The following VPS51 variants were observed in gnomAD, a reference collection of about 807,000 sequenced individuals.
VPS51 encodes the protein vacuolar protein sorting-associated protein 51 homolog.
In VPS51, 55 loss-of-function variants were observed where a neutral mutation model predicts 65.1. That is an observed-to-expected ratio of 0.84 (90% CI 0.68 to 1.06). The LOEUF is 1.06. Among genes scored for constraint, VPS51 ranks in the 50% least tolerant of loss-of-function variants. VPS51 has a pLI of 0.00. For missense variants in VPS51, 943 were observed against 1,101.6 expected (o/e 0.86, Z 2.04); for synonymous variants, 473 against 489.5 (o/e 0.97, Z 0.44).
At chr11:65,109,620 A>G (rs1213127787) in intron 6 of VPS51, 85 bp from the exon 7 acceptor site, 2 of 1,513,282 alleles carry the variant, frequency 1.3e-6, no homozygotes, top group African/African-American at 1.4e-5. Flanking sequence ...ACCTTGCCCA[A>G]TCTGTGCCCA....
chr11:65,096,518 G>GGGGGGGGGGGGGGGGGGGGC, intron 1 of VPS51, 40 bp downstream of exon 1: 1 of 499,404 alleles, frequency 2.0e-6, no homozygotes. Flanking sequence ...GGGGAGGGGG[G>GGGGGGGGGGGGGGGGGGGGC]AAGGGAACCA....
chr11:65,100,058 G>A (rs1054369205), intron 2 of VPS51, among the ~76,000 whole-genome samples: 1 of 151,934 alleles, frequency 6.6e-6, no homozygotes, highest in African/African-American at 2.4e-5. Flanking sequence ...AGTCGAGATC[G>A]CGCCACTGCA....
At chr11:65,109,996 G>A in intron 7 of VPS51, 73 bp downstream of exon 7, 2 of 1,447,936 alleles carry the variant, frequency 1.4e-6, no homozygotes, top group Non-Finnish European at 9.3e-7. Context: ...GGCTGGGGCA[G>A]CAGAGGATCA....
chr11:65,098,652 A>C (rs1407454251), intron 2 of VPS51, among the ~76,000 whole-genome samples: 1 of 152,148 alleles, frequency 6.6e-6, no homozygotes, highest in African/African-American at 2.4e-5. Context: ...TTGTTCTTTT[A>C]TCTGATTTGA....
chr11:65,101,798 T>TAAAAAAAAAAA (rs1947810576), intron 2 of VPS51, among the ~76,000 whole-genome samples: 1 of 122,430 alleles, frequency 8.2e-6, no homozygotes. Flanking sequence ...AAAAGAAAAT[T>TAAAAAAAAAAA]AACAGACATA....
intron 6 of VPS51, 88 bp downstream of exon 6, chr11:65,109,583 C>A: frequency 6.5e-7 from 1 of 1,541,988 alleles, no homozygotes; most frequent in South Asian, 1.2e-5. Flanking sequence ...GACCCCAGAC[C>A]AGCTGCCTGT....
chr11:65,110,588 C>G lies in VPS51; in HGVS notation c.1985C>G (p.Pro662Arg). 1 of 1,614,036 alleles carries G rather than the reference C, an allele frequency of 6.2e-7. No individual in the cohort carries two copies. The highest frequency in any genetic ancestry group is 8.5e-7 in the Non-Finnish European group (1 of 1,180,028). Residue 662 changes from proline to arginine, a missense_variant, in exon 8 of 10, where the codon CCC (proline) becomes CGC (arginine). Pro to Arg is a moderately radical substitution (Grantham distance 103, BLOSUM62 -2). This residue lies in a region of VPS51 where 855 missense variants were observed against 953.7 expected (regional missense o/e 0.90). Transcript: ENST00000279281. ...SSSRQQGRYAPSYTPSAPMDT... is the reference protein window; with the variant it reads ...SSSRQQGRYARSYTPSAPMDT... ...TCTCGGCAGCAGGGCCGCTACGCCCCCAGCTATACCCCCAGGTCTGGCTGG... is the reference window on the plus strand; with the variant it reads ...TCTCGGCAGCAGGGCCGCTACGCCCGCAGCTATACCCCCAGGTCTGGCTGG...
Position 65,107,642 on chromosome 11 carries a change from C to T in VPS51, c.420C>T (p.Ala140=), listed in dbSNP as rs144604807. 83 of 1,605,306 alleles carry T rather than the reference C, an allele frequency of 5.2e-5. No individual in the cohort carries two copies. In the Admixed American group the frequency reaches 5.2e-4, roughly 10 times the overall value. ...TGGAGGATGAGATGGACCGGCTGGC[C>T]ACCAACATGGCAGTGATCACCGACT... ...RKMEDEMDRL[A]TNMAVITDFS... is the part of the protein sequence containing the mutation. Residue 140 remains alanine (A), a synonymous_variant, in exon 3 of 10, where the codon GCC becomes GCT. Coordinates refer to ENST00000279281, the MANE Select transcript of VPS51 (RefSeq NM_013265.4). This position sits in a 1 kb window ranked among gnomAD's most constrained non-coding sequence, Gnocchi z 4.0.
intron 2 of VPS51, among the ~76,000 whole-genome samples, chr11:65,103,905 T>G (rs992979667): frequency 2.0e-5 from 3 of 151,940 alleles, no homozygotes; most frequent in Non-Finnish European, 2.9e-5. Flanking sequence ...TTTTTTTGTT[T>G]TTTTTTTTTA....
rs1217558678 is a variant in VPS51, at chr11:65,097,134, C to G, written c.358+7C>G. 3.7e-6 allele frequency: 6 copies of G among 1,613,710 alleles called. No individual in the cohort carries two copies. The South Asian group carries it at 6.6e-5, about 18-fold the overall frequency. ...AAGTTCATCTCAGCCACAGGTGATC[C>G]CCACGGGGACACACCCTCCAAAGTC... On this transcript the variant is annotated splice_region_variant and intron_variant, in intron 2 of 9. Transcript: ENST00000279281.
At chr11:65,108,145 C>A in intron 4 of VPS51, 52 bp from the exon 5 acceptor site, 1 of 1,577,282 alleles carries the variant, frequency 6.3e-7, no homozygotes, top group Non-Finnish European at 8.6e-7. Context: ...CTGCTCCTGC[C>A]CCATCCACCG....
At chr11:65,111,090 C>A in intron 9 of VPS51, 2 of 747,448 alleles carry the variant, frequency 2.7e-6, no homozygotes, top group Admixed American at 2.0e-5. Context: ...CACCCATGGT[C>A]CCTGCCCCGC....
At chr11:65,104,402 T>G (rs1947828843) in intron 2 of VPS51, among the ~76,000 whole-genome samples, 1 of 152,236 alleles carries the variant, frequency 6.6e-6, no homozygotes, top group Admixed American at 6.5e-5. Context: ...ATTGGAGTGC[T>G]TCTAGCACTG....
In VPS51 at chr11:65,109,424, C is replaced by T. The variant is rs1338048717; in HGVS notation, c.1588C>T (p.Leu530Phe). 6.2e-7 allele frequency: 1 copy of T among 1,610,832 alleles called. No homozygotes were observed. Among genetic ancestry groups the T allele is most frequent in the Admixed American group, 1.7e-5 (1 of 60,030 alleles). Residue 530 changes from leucine (L) to phenylalanine (F), a missense_variant, in exon 6 of 10, where the codon CTC (leucine) becomes TTC (phenylalanine). This residue lies in a region of VPS51 where 855 missense variants were observed against 953.7 expected (regional missense o/e 0.90). Coordinates refer to ENST00000279281, the MANE Select transcript of VPS51 (RefSeq NM_013265.4). ...PPALLLLLSR[L>F]CLDYETATIS... ...TGCCCTGCTCCTGCTGCTCTCCCGC[C>T]TCTGCCTGGACTACGAGACGGCCAC...
At chr11:65,097,277 C>T in intron 2 of VPS51, 150 bp downstream of exon 2, 1 of 1,231,792 alleles carries the variant, frequency 8.1e-7, no homozygotes. Context: ...TCCTTTGAGC[C>T]TTCGTTGTCA....
At position 65,111,395 on chromosome 11, in the gene VPS51, CT is replaced by C; in HGVS notation, c.2160del (p.Phe720LeufsTer118). ...TGCTGGAGTGTGTGCGGCTGCGCACCTTTGGGCGCTTCGGGCTGCAGCAGGT... is the reference window on the plus strand; with the variant it reads ...TGCTGGAGTGTGTGCGGCTGCGCACCTTGGGCGCTTCGGGCTGCAGCAGGT... ...TLLECVRLRT[F>X]GRFGLQQVQV... On this transcript the variant is annotated frameshift_variant, in exon 10 of 10. Transcript: ENST00000279281. LOFTEE classifies it high-confidence loss of function. 5.0e-6 allele frequency: 8 copies of C among 1,612,992 alleles called. No individual in the cohort carries two copies. Among genetic ancestry groups the C allele is most frequent in the Non-Finnish European group, 5.9e-6 (7 of 1,180,040 alleles).
chr11:65,110,449 G>C (rs547593117), intron 7 of VPS51, 33 bp from the exon 8 acceptor site: 1 of 1,613,452 alleles, frequency 6.2e-7, no homozygotes, highest in Non-Finnish European at 8.5e-7. Flanking sequence ...CCCCTGACTC[G>C]GGCCTCCTTG....
chr11:65,101,398 T>C (rs1164808461), intron 2 of VPS51, among the ~76,000 whole-genome samples: 1 of 152,086 alleles, frequency 6.6e-6, no homozygotes, highest in Non-Finnish European at 1.5e-5. Context: ...TCTCAAACAT[T>C]ATACAGGGAA....
At position 65,109,942 on chromosome 11, in the gene VPS51, G is replaced by A. The variant is rs774441686; in HGVS notation, c.1878+19G>A. On this transcript the variant is annotated intron_variant, in intron 7 of 9. Coordinates refer to ENST00000279281, the MANE Select transcript of VPS51 (RefSeq NM_013265.4). ...CGTGCAGGTGCTGCCCAGGCTGGCC[G>A]GGGTAGCCCTGACGCAGGCTGGGGG... is the stretch of plus-strand genomic sequence containing the variant. 51 of 1,573,666 alleles carry A rather than the reference G, an allele frequency of 3.2e-5. No individual in the cohort carries two copies. The South Asian group carries it at 5.0e-4, about 15-fold the overall frequency.
Sources: gnomAD v4.1 joint callset for allele counts (sites outside exome capture counted in the v4.1 genomes callset) on GRCh38, gnomAD v4.1.1 for gene constraint, gnomAD v4.1.1 regional missense constraint, Gnocchi (gnomAD v3.1) non-coding constraint, MANE v1.5 for transcripts, NCBI Gene and HGNC (gene_info 2026-07-23, HGNC 2026-07-21) for gene names.